CRPPA: variants seen among roughly 807,000 people sequenced by gnomAD.
The protein encoded by CRPPA is D-ribitol-5-phosphate cytidylyltransferase.
Under a neutral mutation model 52.0 loss-of-function variants are expected in CRPPA, and 43 were observed. That is an observed-to-expected ratio of 0.83 (90% CI 0.65 to 1.07). CRPPA has a LOEUF of 1.07. Among genes scored for constraint, CRPPA ranks in the 50% least tolerant of loss-of-function variants. CRPPA has a pLI of 0.00. For missense variants in CRPPA, 629 were observed against 551.7 expected, an observed-to-expected ratio of 1.14 and a Z score of -1.40; for synonymous variants, 250 against 203.5, an observed-to-expected ratio of 1.23 and a Z score of -1.94.
chr7:16,332,841 A>C (rs1259727764), intron 3 of CRPPA, among the ~76,000 whole-genome samples: 3 of 152,170 alleles, frequency 2.0e-5, no homozygotes, highest in African/African-American at 7.2e-5. Flanking sequence ...ACCAATTAAG[A>C]GAAAAATTGT....
chr7:16,399,645 T>A (rs1033392926), intron 2 of CRPPA, among the ~76,000 whole-genome samples: 29 of 151,998 alleles, frequency 1.9e-4, no homozygotes, highest in African/African-American at 6.8e-4. Context: ...ATGATCGACA[T>A]GTAATCAACG....
chr7:16,203,594 C>G (rs183374301), intron 9 of CRPPA, among the ~76,000 whole-genome samples: 21 of 152,044 alleles, frequency 1.4e-4, no homozygotes, highest in Admixed American at 9.8e-4. Context: ...AATAAAGAAC[C>G]AAATTATTGG....
chr7:16,159,819 C>T (rs961584090), intron 9 of CRPPA, among the ~76,000 whole-genome samples: 5 of 152,116 alleles, frequency 3.3e-5, no homozygotes, highest in Non-Finnish European at 5.9e-5. Context: ...ACTTACACTC[C>T]CACCAACAGT....
In CRPPA at chr7:16,381,726, A is replaced by C. The variant is rs1210628993; in HGVS notation, c.535-5485T>G. Among the ~76,000 whole-genome samples, 17 of 151,980 alleles carry C rather than the reference A, an allele frequency of 1.1e-4. No homozygotes were observed. In the East Asian group the frequency reaches 3.3e-3, roughly 29 times the overall value. ...ATAGTTAGCTCTTCTAGTTGAATTG[A>C]TCCCTTTACCATTATGTAATGGCCT... is the stretch of plus-strand genomic sequence containing the variant. On this transcript the variant is annotated intron_variant, in intron 2 of 9. Coordinates refer to ENST00000407010, the MANE Select transcript of CRPPA (RefSeq NM_001101426.4).
At chr7:16,235,140 A>T (rs77105207) in intron 8 of CRPPA, among the ~76,000 whole-genome samples, 3,140 of 152,194 alleles carry the variant, frequency 0.021, 122 homozygotes, top group African/African-American at 0.071. Flanking sequence ...TTATACTAGC[A>T]AAATCTCTCA....
intron 3 of CRPPA, among the ~76,000 whole-genome samples, chr7:16,337,008 GA>G (rs1785699640): frequency 6.6e-6 from 1 of 152,072 alleles, no homozygotes; most frequent in Admixed American, 6.5e-5. Context: ...TCTGAATGAA[GA>G]GAGAGATTGC....
chr7:16,221,107 A>T (rs1782486897), intron 8 of CRPPA, among the ~76,000 whole-genome samples: 1 of 152,180 alleles, frequency 6.6e-6, no homozygotes, highest in Non-Finnish European at 1.5e-5. Context: ...AAATCGATCA[A>T]TGGAACAGAA....
intron 9 of CRPPA, among the ~76,000 whole-genome samples, chr7:16,148,195 T>C (rs1227296165): frequency 1.3e-5 from 2 of 152,180 alleles, no homozygotes; most frequent in African/African-American, 4.8e-5. Context: ...TCAGCATAAC[T>C]AGACATAATT....
chr7:16,278,242 A>C lies in CRPPA; in HGVS notation c.836-16T>G. On this transcript the variant is annotated splice_polypyrimidine_tract_variant and intron_variant, in intron 5 of 9. Transcript: ENST00000407010. ...GAAATTCTCTCTGAAATTAAAAAAA[A>C]AAAGTTTTAAGTTTCAAACAAAACA... is the stretch of plus-strand genomic sequence containing the variant. The C allele has an allele frequency of 7.2e-7, 1 of 1,388,184 alleles. No homozygotes were observed. The highest frequency in any genetic ancestry group is 1.4e-5 in the African/African-American group (1 of 69,156). 86.0% of individuals were successfully genotyped at this position (1,388,184 alleles called of 1,614,324 possible).
At chr7:16,330,401 C>T (rs1785521984) in intron 3 of CRPPA, among the ~76,000 whole-genome samples, 1 of 152,178 alleles carries the variant, frequency 6.6e-6, no homozygotes, top group Admixed American at 6.5e-5. Flanking sequence ...GAAATATGAA[C>T]CACTCCCTCT....
At chr7:16,327,549 C>A (rs1413168944) in intron 3 of CRPPA, among the ~76,000 whole-genome samples, 3 of 131,768 alleles carry the variant, frequency 2.3e-5, no homozygotes, top group South Asian at 4.7e-4. Context: ...GCCGAGATTG[C>A]GCCACTGCAG....
At chr7:16,249,009 G>A (rs1369226338) in intron 8 of CRPPA, among the ~76,000 whole-genome samples, 1 of 152,080 alleles carries the variant, frequency 6.6e-6, no homozygotes, top group Non-Finnish European at 1.5e-5. Flanking sequence ...GTCTGAGATC[G>A]ACCTGGGATG....
At chr7:16,250,200 G>A (rs1783406902) in intron 8 of CRPPA, among the ~76,000 whole-genome samples, 1 of 152,130 alleles carries the variant, frequency 6.6e-6, no homozygotes, top group Non-Finnish European at 1.5e-5. Flanking sequence ...AATGAACAAA[G>A]CCTCCAAGAA....
intron 9 of CRPPA, among the ~76,000 whole-genome samples, chr7:16,214,832 A>G (rs1185558185): frequency 5.3e-5 from 8 of 152,212 alleles, no homozygotes; most frequent in Admixed American, 5.2e-4. Flanking sequence ...CCATGGATAC[A>G]GATCTGAGTT....
At chr7:16,379,572 A>G (rs1468806746) in intron 2 of CRPPA, among the ~76,000 whole-genome samples, 2 of 152,160 alleles carry the variant, frequency 1.3e-5, no homozygotes, top group Non-Finnish European at 2.9e-5. Context: ...TCTATAAATT[A>G]CCTTGGGCAG....
chr7:16,293,525 T>C (rs1318263235), intron 5 of CRPPA, among the ~76,000 whole-genome samples: 1 of 151,932 alleles, frequency 6.6e-6, no homozygotes, highest in Non-Finnish European at 1.5e-5. Context: ...TCAAGGTTTG[T>C]CTGAACACCT....
At chr7:16,333,908 G>C (rs560211325) in intron 3 of CRPPA, among the ~76,000 whole-genome samples, 1 of 152,224 alleles carries the variant, frequency 6.6e-6, no homozygotes, top group South Asian at 2.1e-4. Flanking sequence ...AGAATTCCCT[G>C]GGCACGATGG....
rs565941545 is a variant in CRPPA at position 16,378,129 on chromosome 7, C to T, written c.535-1888G>A. Among the ~76,000 whole-genome samples, 251 of 151,590 alleles carry T rather than the reference C, an allele frequency of 1.7e-3. 1 individual carries two copies. Among genetic ancestry groups the T allele is most frequent in the African/African-American group, 5.6e-3 (231 of 41,276 alleles). The stretch of plus-strand genomic sequence containing the variant: ...TTTTTTAAATTTTATTATTATTATA[C>T]TTTAAGTTTTAGAGTACATGTGCAC... On this transcript the variant is annotated intron_variant, in intron 2 of 9. Coordinates refer to ENST00000407010, the MANE Select transcript of CRPPA (RefSeq NM_001101426.4).
chr7:16,216,151 T>C lies in CRPPA; in HGVS notation c.1166A>G (p.Glu389Gly). 1 of 1,596,826 alleles carries C rather than the reference T, an allele frequency of 6.3e-7. No homozygotes were observed. Among genetic ancestry groups the C allele is most frequent in the Non-Finnish European group, 8.6e-7 (1 of 1,166,720 alleles). ...FKLVPPSQKM[E>G]NLMQIREFAK... ...AAATTCTCTAATCTGCATTAGGTTTTCCATTTTCTGACTGGGAGGTACTAA... is the reference window on the plus strand; with the variant it reads ...AAATTCTCTAATCTGCATTAGGTTTCCCATTTTCTGACTGGGAGGTACTAA... The change falls in exon 9 of 10, where the codon GAA becomes GGA. Residue 389 changes from glutamate (E) to glycine (G), a missense_variant. Coordinates refer to ENST00000407010, the MANE Select transcript of CRPPA (RefSeq NM_001101426.4).
Sources: allele counts gnomAD v4.1 joint callset (sites outside exome capture counted in the v4.1 genomes callset), GRCh38; gene constraint gnomAD v4.1.1; transcripts MANE v1.5; gene names NCBI Gene and HGNC (gene_info 2026-07-23, HGNC 2026-07-21).